The following KIF16B variants were observed in gnomAD, a reference collection of about 807,000 sequenced individuals.
KIF16B encodes the protein kinesin family member 16B.
In KIF16B, 98 loss-of-function variants were observed where a neutral mutation model predicts 156.3. The observed-to-expected ratio is 0.63, with a 90% CI of 0.53 to 0.74. The LOEUF (loss-of-function observed/expected upper bound fraction) is 0.74. KIF16B is among the 30% of genes least tolerant of loss of function. KIF16B has a pLI of 0.00. For missense variants in KIF16B, 1,421 were observed against 1,606.5 expected, an observed-to-expected ratio of 0.88 and a Z score of 1.97; for synonymous variants, 564 against 583.7, an observed-to-expected ratio of 0.97 and a Z score of 0.49.
chr20:16,529,912 C>T (rs1341320804), intron 1 of KIF16B, among the ~76,000 whole-genome samples: 1 of 152,178 alleles, frequency 6.6e-6, no homozygotes, highest in Non-Finnish European at 1.5e-5. Flanking sequence ...GATCACGCCA[C>T]TGCACTCACT....
At chr20:16,404,445 T>C (rs995695815) in intron 17 of KIF16B, among the ~76,000 whole-genome samples, 11 of 152,200 alleles carry the variant, frequency 7.2e-5, no homozygotes, top group African/African-American at 2.7e-4. Flanking sequence ...GCCTCTGTTA[T>C]AATTTATAAA....
At chr20:16,382,217 G>A in intron 17 of KIF16B, 1 of 792,176 alleles carries the variant, frequency 1.3e-6, no homozygotes, top group South Asian at 1.7e-5. Context: ...GGAATATCAG[G>A]AGAAAAGCAG....
intron 1 of KIF16B, among the ~76,000 whole-genome samples, chr20:16,569,986 G>T (rs1288396631): frequency 1.3e-5 from 2 of 152,128 alleles, no homozygotes; most frequent in African/African-American, 4.8e-5. Flanking sequence ...GTGTGTGTGT[G>T]TGTGTGTGTA....
intron 1 of KIF16B, among the ~76,000 whole-genome samples, chr20:16,537,981 G>A (rs2070045884): frequency 6.6e-6 from 1 of 152,160 alleles, no homozygotes; most frequent in Admixed American, 6.5e-5. Flanking sequence ...TAGGGTTACA[G>A]GCATGAGCCA....
intron 1 of KIF16B, among the ~76,000 whole-genome samples, chr20:16,539,232 AG>A (rs2070100599): frequency 6.6e-6 from 1 of 152,110 alleles, no homozygotes; most frequent in African/African-American, 2.4e-5. Flanking sequence ...GAGTCTGGAG[AG>A]CTCAGAAGAC....
At chr20:16,537,494 G>T (rs1400058796) in intron 1 of KIF16B, among the ~76,000 whole-genome samples, 4 of 151,934 alleles carry the variant, frequency 2.6e-5, no homozygotes, top group Admixed American at 2.0e-4. Flanking sequence ...CTGCAACTTT[G>T]TGGTGCTCCT....
chr20:16,474,224 G>GC (rs2067743882), intron 12 of KIF16B, among the ~76,000 whole-genome samples: 2 of 151,970 alleles, frequency 1.3e-5, no homozygotes, highest in African/African-American at 2.4e-5. Context: ...TGTTGACCAC[G>GC]CCCCCCTTTG....
At chr20:16,552,285 G>T (rs989834157) in intron 1 of KIF16B, among the ~76,000 whole-genome samples, 2 of 152,182 alleles carry the variant, frequency 1.3e-5, no homozygotes, top group African/African-American at 4.8e-5. Flanking sequence ...GAAGGGAATT[G>T]AGAACAGCTA....
chr20:16,380,280 A>G, intron 18 of KIF16B, 117 bp from the exon 19 acceptor site: 2 of 909,312 alleles, frequency 2.2e-6, no homozygotes. Context: ...ATTAAAATAA[A>G]AAAAAGAAGA....
intron 21 of KIF16B, among the ~76,000 whole-genome samples, chr20:16,370,937 G>T (rs1393454288): frequency 6.6e-6 from 1 of 152,084 alleles, no homozygotes; most frequent in Non-Finnish European, 1.5e-5. Context: ...CTTTATTTCA[G>T]TATAGACTTG....
intron 12 of KIF16B, among the ~76,000 whole-genome samples, chr20:16,463,551 CACAA>C (rs1399300495): frequency 6.6e-6 from 1 of 152,150 alleles, no homozygotes; most frequent in Non-Finnish European, 1.5e-5. Flanking sequence ...GTTTTCTACA[CACAA>C]ACACACACAC....
chr20:16,512,437 T>C (rs1017359689), intron 5 of KIF16B, among the ~76,000 whole-genome samples: 20 of 152,088 alleles, frequency 1.3e-4, no homozygotes, highest in African/African-American at 4.8e-4. Flanking sequence ...CCTCAACCAC[T>C]CAGATTTACT....
chr20:16,461,879 A>T (rs2067354626), intron 12 of KIF16B, among the ~76,000 whole-genome samples: 2 of 152,230 alleles, frequency 1.3e-5, no homozygotes, highest in South Asian at 4.1e-4. Context: ...GGCCAAAAGC[A>T]GCAGTCTTCA....
Position 16,369,637 on chromosome 20 carries a change from T to C in KIF16B, c.3498+949A>G, listed in dbSNP as rs565903195. ...TTATGAAAATAAGTCCATGATCATA[T>C]GTCCAAAATGCAATCAAGGCAAACT... On this transcript the variant is annotated intron_variant, in intron 22 of 25. Transcript: ENST00000354981. Among the ~76,000 whole-genome samples the C allele has an allele frequency of 1.6e-4, 24 of 152,364 alleles. No individual in the cohort carries two copies. In the South Asian group the frequency reaches 4.3e-3, roughly 28 times the overall value.
At chr20:16,336,099 TAA>T (rs1162019201) in intron 23 of KIF16B, 84 bp from the exon 24 acceptor site, 8 of 793,272 alleles carry the variant, frequency 1.0e-5, no homozygotes, top group Admixed American at 7.6e-5. Flanking sequence ...AAATTAAATT[TAA>T]AAAAAGTGAT....
chr20:16,477,549 C>G (rs2067855272), intron 12 of KIF16B, among the ~76,000 whole-genome samples: 1 of 152,156 alleles, frequency 6.6e-6, no homozygotes, highest in African/African-American at 2.4e-5. Context: ...CATCTAAAGT[C>G]TCTTAATAAA....
intron 11 of KIF16B, among the ~76,000 whole-genome samples, chr20:16,495,375 G>A (rs561465542): frequency 1.3e-5 from 2 of 152,308 alleles, no homozygotes; most frequent in South Asian, 4.1e-4. Flanking sequence ...ATTAAGCATA[G>A]TAACTGGAAA....
intron 22 of KIF16B, chr20:16,367,896 A>G: frequency 6.7e-7 from 1 of 1,497,960 alleles, no homozygotes. Flanking sequence ...TCAGGAATCG[A>G]ACACTCTGTC....
At chr20:16,460,587 G>A (rs2067321388) in intron 12 of KIF16B, among the ~76,000 whole-genome samples, 1 of 151,974 alleles carries the variant, frequency 6.6e-6, no homozygotes, top group African/African-American at 2.4e-5. Context: ...TTCGCAATGA[G>A]CCTTACAGGC....
Sources: allele counts gnomAD v4.1 joint callset (sites outside exome capture counted in the v4.1 genomes callset), GRCh38; gene constraint gnomAD v4.1.1; transcripts MANE v1.5; gene names NCBI Gene and HGNC (gene_info 2026-07-23, HGNC 2026-07-21).